The following TTC28 variants were observed in gnomAD, a reference collection of about 807,000 sequenced individuals.
TTC28 encodes the protein tetratricopeptide repeat domain 28.
TTC28 carries 61 observed loss-of-function variants against 198.0 expected under a neutral mutation model. The ratio of observed to expected loss-of-function variants is 0.31; its 90% CI spans 0.25 to 0.38. The LOEUF is 0.38. Among genes scored for constraint, TTC28 ranks in the 10% least tolerant of loss-of-function variants. The probability of loss-of-function intolerance (pLI) is 1.00; values close to 1 mark genes in which losing one functional copy is unlikely to be tolerated. For missense variants in TTC28, 2,678 were observed against 3,164.0 expected, an observed-to-expected ratio of 0.85 and a Z score of 3.69; for synonymous variants, 1,171 against 1,297.8, an observed-to-expected ratio of 0.90 and a Z score of 2.10.
Position 27,993,343 on chromosome 22 carries a change from G to A in TTC28, c.5420C>T (p.Thr1807Ile). 2 of 1,550,560 alleles carry A rather than the reference G, an allele frequency of 1.3e-6. No individual in the cohort carries two copies. Among genetic ancestry groups the A allele is most frequent in the South Asian group, 2.4e-5 (2 of 84,008 alleles). ...SGLPAAVFFP[T>I]SDPGDRLQQC... ...CTGGAGCCGGTCGCCCGGGTCGGAG[G>A]TTGGGAAGAAGACAGCCGCTGGCAG... Residue 1807 changes from threonine (T) to isoleucine (I), a missense_variant, in exon 18 of 23, where the codon ACC becomes ATC. Physicochemically the swap from Thr to Ile is moderately conservative, Grantham distance 89. Coordinates refer to ENST00000397906, the MANE Select transcript of TTC28 (RefSeq NM_001145418.2).
intron 2 of TTC28, among the ~76,000 whole-genome samples, chr22:28,543,519 GAGAA>G (rs1477051320): frequency 6.6e-6 from 1 of 151,630 alleles, no homozygotes; most frequent in Non-Finnish European, 1.5e-5. Context: ...AATAAAAAGA[GAGAA>G]AGAAAAGAAG....
At position 27,993,300 on chromosome 22, in the gene TTC28, G is replaced by C. The variant is rs1937481481; in HGVS notation, c.5463C>G (p.Leu1821=). 1 of 1,541,398 alleles carries C rather than the reference G, an allele frequency of 6.5e-7. No homozygotes were observed. The highest frequency in any genetic ancestry group is 8.7e-7 in the Non-Finnish European group (1 of 1,143,630). ...GDRLQQCSST[L]QSLLGLPNPA... Reference sequence around the variant, plus strand: ...CCCACAGCTCACCCAGCAGGGACTGGAGTGTGCTGCTGCACTGCTGGAGCC... The same window carrying C: ...CCCACAGCTCACCCAGCAGGGACTGCAGTGTGCTGCTGCACTGCTGGAGCC... The change falls in exon 18 of 23, where the codon CTC becomes CTG. Residue 1821 remains leucine, a synonymous_variant. Transcript: ENST00000397906.
intron 5 of TTC28, among the ~76,000 whole-genome samples, chr22:28,291,920 C>T (rs1055440333): frequency 2.0e-5 from 3 of 151,912 alleles, no homozygotes; most frequent in African/African-American, 7.2e-5. Flanking sequence ...AATTATAAAA[C>T]AGCACTCCAA....
intron 2 of TTC28, among the ~76,000 whole-genome samples, chr22:28,576,074 T>C (rs1385320556): frequency 4.6e-5 from 7 of 152,164 alleles, no homozygotes; most frequent in African/African-American, 1.7e-4. Context: ...CTGTTCTAGA[T>C]CTAAGATGAA....
chr22:28,096,415 G>A lies in TTC28; in HGVS notation c.3548-7C>T, dbSNP rs1181426773. On this transcript the variant is annotated splice_polypyrimidine_tract_variant and splice_region_variant and intron_variant, in intron 10 of 22. Transcript: ENST00000397906. ...AGGGCTTCATCATGATGGCCTAGGAGACAAAGAGATATGCCGAGGAGTCCA... is the reference window on the plus strand; with the variant it reads ...AGGGCTTCATCATGATGGCCTAGGAAACAAAGAGATATGCCGAGGAGTCCA... 6.4e-7 allele frequency: 1 copy of A among 1,550,656 alleles called. No individual in the cohort carries two copies. Among genetic ancestry groups the A allele is most frequent in the East Asian group, 2.4e-5 (1 of 40,934 alleles).
chr22:28,661,223 G>C (rs770098449), intron 1 of TTC28, among the ~76,000 whole-genome samples: 1 of 152,030 alleles, frequency 6.6e-6, no homozygotes, highest in African/African-American at 2.4e-5. Flanking sequence ...GGTGGAGGTT[G>C]CGGTGAGTCG....
intron 2 of TTC28, among the ~76,000 whole-genome samples, chr22:28,571,437 T>G (rs1375233475): frequency 6.6e-6 from 1 of 152,230 alleles, no homozygotes; most frequent in Non-Finnish European, 1.5e-5. Context: ...GAATTTACTT[T>G]GCTCTCAAAT....
intron 2 of TTC28, among the ~76,000 whole-genome samples, chr22:28,510,650 C>T (rs570436986): frequency 9.2e-5 from 14 of 151,876 alleles, no homozygotes; most frequent in Admixed American, 2.0e-4. Flanking sequence ...TGGAAGTTCT[C>T]GCGAGGGCAA....
intron 5 of TTC28, among the ~76,000 whole-genome samples, chr22:28,190,745 G>C (rs1252757406): frequency 6.6e-6 from 1 of 152,104 alleles, no homozygotes; most frequent in Non-Finnish European, 1.5e-5. Flanking sequence ...GCATTTTCAA[G>C]TTCCCCACGG....
At chr22:28,479,052 T>C (rs1361417582) in intron 2 of TTC28, among the ~76,000 whole-genome samples, 1 of 152,118 alleles carries the variant, frequency 6.6e-6, no homozygotes, top group Non-Finnish European at 1.5e-5. Flanking sequence ...AGCACACATC[T>C]GGCTCATTGT....
intron 6 of TTC28, among the ~76,000 whole-genome samples, chr22:28,140,018 G>T (rs7291650): frequency 0.026 from 4,018 of 152,274 alleles, 67 homozygotes; most frequent in Non-Finnish European, 0.042. Flanking sequence ...AGGTGGCCAA[G>T]GTAAAACACT....
At chr22:28,191,049 A>T (rs1031761834) in intron 5 of TTC28, among the ~76,000 whole-genome samples, 91 of 152,266 alleles carry the variant, frequency 6.0e-4, no homozygotes, top group African/African-American at 2.0e-3. Context: ...ATATGATTCC[A>T]ACCTCCTTTT....
chr22:28,336,578 T>C (rs1171390859), intron 2 of TTC28, among the ~76,000 whole-genome samples: 3 of 152,202 alleles, frequency 2.0e-5, no homozygotes, highest in Admixed American at 6.5e-5. Flanking sequence ...AGGGTGTATG[T>C]ATCGAGGAAT....
chr22:28,141,166 T>C (rs896685924), intron 6 of TTC28, among the ~76,000 whole-genome samples: 28 of 152,146 alleles, frequency 1.8e-4, no homozygotes, highest in African/African-American at 6.8e-4. Flanking sequence ...GCTCAAACAT[T>C]ACCTCCTTAC....
At chr22:28,166,324 C>T (rs1204251826) in intron 5 of TTC28, among the ~76,000 whole-genome samples, 2 of 152,192 alleles carry the variant, frequency 1.3e-5, no homozygotes, top group African/African-American at 4.8e-5. Context: ...CCAAGCGGAC[C>T]TAACAGACAT....
intron 2 of TTC28, among the ~76,000 whole-genome samples, chr22:28,552,958 C>T (rs2049709083): frequency 6.6e-6 from 1 of 152,110 alleles, no homozygotes; most frequent in South Asian, 2.1e-4. Flanking sequence ...GACTGGTTTT[C>T]GTATTTTTTT....
At chr22:28,628,417 C>A (rs2051113057) in intron 2 of TTC28, among the ~76,000 whole-genome samples, 1 of 152,058 alleles carries the variant, frequency 6.6e-6, no homozygotes, top group Non-Finnish European at 1.5e-5. Flanking sequence ...TTAATATATT[C>A]ATCATCTCAC....
chr22:28,623,280 T>C (rs932641597), intron 2 of TTC28, among the ~76,000 whole-genome samples: 2 of 152,120 alleles, frequency 1.3e-5, no homozygotes, highest in African/African-American at 4.8e-5. Context: ...ATACAAAATT[T>C]ACTATCACAG....
intron 2 of TTC28, among the ~76,000 whole-genome samples, chr22:28,387,396 C>T (rs1010819105): frequency 9.9e-5 from 15 of 152,206 alleles, no homozygotes; most frequent in Non-Finnish European, 2.2e-4. Flanking sequence ...ATTTCTAGTT[C>T]TAGTTCCCTG....
Sources: allele counts gnomAD v4.1 joint callset (sites outside exome capture counted in the v4.1 genomes callset), GRCh38; gene constraint gnomAD v4.1.1; transcripts MANE v1.5; gene names NCBI Gene and HGNC (gene_info 2026-07-23, HGNC 2026-07-21).